Variants in THSD7B observed in about 807,000 individuals in gnomAD.
The protein encoded by THSD7B is thrombospondin type-1 domain-containing protein 7B.
A neutral mutation model predicts 213.6 loss-of-function variants in THSD7B; 138 were observed. The observed-to-expected ratio is 0.65, with a 90% CI of 0.56 to 0.74. The LOEUF (loss-of-function observed/expected upper bound fraction) is 0.74, where lower values mean the gene tolerates loss of function less well. Ranked by LOEUF, THSD7B falls within the 30% of genes least tolerant of loss-of-function variation. The pLI is 0.00. For synonymous variants in THSD7B, 742 were observed against 687.0 expected, an observed-to-expected ratio of 1.08 and a Z score of -1.25; for missense variants, 1,931 against 1,991.5, an observed-to-expected ratio of 0.97 and a Z score of 0.58.
In THSD7B at chr2:136,910,916, A is replaced by C. The variant is rs117077944; in HGVS notation, c.139+28599A>C. ...TGTAAATATTACCCCAAATTATATC[A>C]TTTATTTTAGTACCCAAATTATATC... On this transcript the variant is annotated intron_variant, in intron 2 of 27. Transcript: ENST00000409968. Among the ~76,000 whole-genome samples, 266 of 152,072 alleles carry C rather than the reference A, an allele frequency of 1.7e-3. 4 individuals are homozygous for C. The East Asian group carries it at 0.046, about 26-fold the overall frequency.
chr2:136,778,882 G>A (rs900442177), intron 1 of THSD7B, among the ~76,000 whole-genome samples: 1 of 152,122 alleles, frequency 6.6e-6, no homozygotes, highest in Non-Finnish European at 1.5e-5. Context: ...TCAGCTCTAA[G>A]GTAAGGGAGG....
chr2:137,644,300 T>C, intron 21 of THSD7B, among the ~76,000 whole-genome samples: 1 of 152,200 alleles, frequency 6.6e-6, no homozygotes. Flanking sequence ...AACAAGTCTA[T>C]AGTTAATTAT....
chr2:137,273,288 A>G (rs371334502), intron 11 of THSD7B, among the ~76,000 whole-genome samples: 27 of 152,206 alleles, frequency 1.8e-4, no homozygotes, highest in African/African-American at 6.3e-4. Flanking sequence ...TAAACTATGT[A>G]TGTTCCCTGT....
At chr2:137,443,994 T>G (rs1189129597) in intron 14 of THSD7B, among the ~76,000 whole-genome samples, 1 of 152,054 alleles carries the variant, frequency 6.6e-6, no homozygotes, top group Non-Finnish European at 1.5e-5. Context: ...ATTTATAATA[T>G]TTAACATTAT....
At chr2:137,045,804 T>C (rs568818599) in intron 2 of THSD7B, among the ~76,000 whole-genome samples, 2 of 152,256 alleles carry the variant, frequency 1.3e-5, no homozygotes, top group South Asian at 2.1e-4. Context: ...GGGTACCCCA[T>C]TGCTGTATAT....
At chr2:137,450,704 T>G in intron 14 of THSD7B, 141 bp from the exon 15 acceptor site, 2 of 566,544 alleles carry the variant, frequency 3.5e-6, no homozygotes, top group Middle Eastern at 4.1e-4. Context: ...AAAATTTTGG[T>G]CTGTTTATCT....
chr2:137,124,583 T>C (rs1025458494), intron 5 of THSD7B, among the ~76,000 whole-genome samples: 6 of 152,136 alleles, frequency 3.9e-5, no homozygotes, highest in Non-Finnish European at 7.4e-5. Flanking sequence ...GAGGGATTTA[T>C]TCCTATGTCA....
Position 137,676,831 on chromosome 2 carries a change from G to GT in THSD7B, c.*230dup, listed in dbSNP as rs1187962468. 1.1e-5 allele frequency: 4 copies of GT among 372,342 alleles called. No homozygotes were observed. The highest frequency in any genetic ancestry group is 1.4e-5 in the Non-Finnish European group (3 of 214,126). The allele number at this position is 372,342 out of a possible 1,614,324, so 23.1% of individuals were successfully genotyped here. A position where few individuals can be genotyped will look rare whatever the true frequency, so the allele number is the denominator to read the frequency against. Reference sequence around the variant, plus strand: ...TTTGTGGGTGTGTTTTATTTTTTTGGTTTTCCCAAGGGACCTGAAAACCCT... The same window carrying GT: ...TTTGTGGGTGTGTTTTATTTTTTTGGTTTTTCCCAAGGGACCTGAAAACCCT... On this transcript the variant is annotated 3_prime_UTR_variant, in exon 28 of 28. Transcript: ENST00000409968.
chr2:137,156,916 T>C (rs11893561), intron 5 of THSD7B, among the ~76,000 whole-genome samples: 111,589 of 152,016 alleles, frequency 0.73, 41,184 homozygotes, highest in Middle Eastern at 0.76. Context: ...GGGCTTAGAG[T>C]ATCTTCTTAG....
chr2:137,572,326 A>T, intron 16 of THSD7B, 80 bp from the exon 17 acceptor site: 1 of 1,478,598 alleles, frequency 6.8e-7, no homozygotes, highest in Non-Finnish European at 9.2e-7. Context: ...ATCGTCAGTT[A>T]CTATGATACA....
intron 2 of THSD7B, among the ~76,000 whole-genome samples, chr2:137,044,424 T>A (rs1224659264): frequency 6.6e-6 from 1 of 152,160 alleles, no homozygotes; most frequent in East Asian, 1.9e-4. Context: ...ATGATGAACC[T>A]GTGACCACCA....
In THSD7B at chr2:137,621,355, T is replaced by C. The variant is rs562248647; in HGVS notation, c.3799+629T>C. Among the ~76,000 whole-genome samples, 6 of 152,246 alleles carry C rather than the reference T, an allele frequency of 3.9e-5. No homozygotes were observed. In the South Asian group the frequency reaches 1.2e-3, roughly 32 times the overall value. On this transcript the variant is annotated intron_variant, in intron 20 of 27. Coordinates refer to ENST00000409968, the MANE Select transcript of THSD7B (RefSeq NM_001316349.2). Reference sequence around the variant, plus strand: ...CAGGGAAGGAAATGTACTTTCTGGGTAGTCAGTCACATCTCAGCAATAATG... The same window carrying C: ...CAGGGAAGGAAATGTACTTTCTGGGCAGTCAGTCACATCTCAGCAATAATG...
At chr2:137,669,079 T>C (rs2104828367) in intron 27 of THSD7B, among the ~76,000 whole-genome samples, 1 of 152,230 alleles carries the variant, frequency 6.6e-6, no homozygotes, top group East Asian at 1.9e-4. Context: ...TTCAATGGAT[T>C]TTTTTTAATT....
intron 12 of THSD7B, among the ~76,000 whole-genome samples, chr2:137,294,697 T>A (rs7575199): frequency 0.051 from 7,701 of 151,954 alleles, 471 homozygotes; most frequent in African/African-American, 0.14. Context: ...CTTACTGTGC[T>A]TAATCTATAA....
chr2:137,380,419 G>C (rs980547255), intron 12 of THSD7B, among the ~76,000 whole-genome samples: 8 of 152,104 alleles, frequency 5.3e-5, no homozygotes, highest in Admixed American at 5.2e-4. Flanking sequence ...CCTTCTAGCT[G>C]TTCCCACTCC....
chr2:136,942,171 A>T (rs1684839043), intron 2 of THSD7B, among the ~76,000 whole-genome samples: 1 of 151,908 alleles, frequency 6.6e-6, no homozygotes, highest in African/African-American at 2.4e-5. Context: ...GTGTGGTGTT[A>T]TTTCTGAGTC....
intron 1 of THSD7B, among the ~76,000 whole-genome samples, chr2:136,852,577 T>G (rs1683116961): frequency 6.6e-6 from 1 of 152,190 alleles, no homozygotes. Flanking sequence ...GAGTATTGTT[T>G]TAAGCTGCTA....
At chr2:137,276,072 A>C (rs756504746) in intron 12 of THSD7B, 46 bp downstream of exon 12, 55 of 1,349,630 alleles carry the variant, frequency 4.1e-5, no homozygotes, top group Non-Finnish European at 5.5e-5. Flanking sequence ...ACGTAAGTTA[A>C]CATTATGTAA....
At chr2:137,006,059 A>T (rs1194111338) in intron 2 of THSD7B, among the ~76,000 whole-genome samples, 1 of 152,170 alleles carries the variant, frequency 6.6e-6, no homozygotes, top group East Asian at 1.9e-4. Flanking sequence ...GAACTACCTC[A>T]AAAAATTTGT....
Sources: allele counts gnomAD v4.1 joint callset (sites outside exome capture counted in the v4.1 genomes callset), GRCh38; gene constraint gnomAD v4.1.1; transcripts MANE v1.5; gene names NCBI Gene and HGNC (gene_info 2026-07-23, HGNC 2026-07-21).